KIAA0319: variants seen among roughly 807,000 people sequenced by gnomAD.
KIAA0319 encodes dyslexia-associated protein KIAA0319.
KIAA0319 carries 83 observed loss-of-function variants against 108.4 expected under a neutral mutation model. The ratio of observed to expected loss-of-function variants is 0.77; its 90% confidence interval spans 0.64 to 0.92. The LOEUF (loss-of-function observed/expected upper bound fraction) is 0.92. Ranked by LOEUF, KIAA0319 falls within the 40% of genes least tolerant of loss-of-function variation. KIAA0319 has a pLI of 0.00. For synonymous variants in KIAA0319, 484 were observed against 510.4 expected, an observed-to-expected ratio of 0.95 and a Z score of 0.70; for missense variants, 1,195 against 1,322.4, an observed-to-expected ratio of 0.90 and a Z score of 1.49.
chr6:24,598,835 C>T (rs191724934), intron 2 of KIAA0319: 4 of 284,548 alleles, frequency 1.4e-5, no homozygotes, highest in Admixed American at 8.4e-5. Flanking sequence ...GAGATCATGC[C>T]CCTGCACTCC....
chr6:24,633,232 T>C (rs535931692), intron 1 of KIAA0319, among the ~76,000 whole-genome samples: 8 of 152,226 alleles, frequency 5.3e-5, no homozygotes, highest in South Asian at 2.1e-4. Flanking sequence ...CAGACAAATA[T>C]ACAGGTAGAA....
intron 1 of KIAA0319, among the ~76,000 whole-genome samples, chr6:24,630,692 T>TATATAC (rs1775453133): frequency 1.4e-5 from 1 of 71,470 alleles, no homozygotes; most frequent in Non-Finnish European, 2.6e-5. Context: ...TGTATATATA[T>TATATAC]ATATATATAT....
intron 10 of KIAA0319, among the ~76,000 whole-genome samples, chr6:24,575,895 G>A (rs949547049): frequency 2.0e-5 from 3 of 151,834 alleles, no homozygotes; most frequent in African/African-American, 7.3e-5. Context: ...TTATTATGTT[G>A]TTAGACAAAT....
intron 4 of KIAA0319, among the ~76,000 whole-genome samples, chr6:24,586,385 T>C (rs776996102): frequency 3.3e-5 from 5 of 152,208 alleles, no homozygotes; most frequent in Non-Finnish European, 5.9e-5. Context: ...AAGTTACTCC[T>C]TTGTAAGGGG....
chr6:24,591,466 T>C (rs1185744335), intron 3 of KIAA0319, among the ~76,000 whole-genome samples: 1 of 152,028 alleles, frequency 6.6e-6, no homozygotes, highest in Non-Finnish European at 1.5e-5. Context: ...TAAAAAAAAT[T>C]AGCTGGGCAC....
chr6:24,644,248 G>A (rs944227727), intron 1 of KIAA0319, among the ~76,000 whole-genome samples: 3 of 14,610 alleles, frequency 2.1e-4, no homozygotes, highest in African/African-American at 1.8e-3. Flanking sequence ...CAGGGGAGAG[G>A]GGGGGGTTCC....
At chr6:24,570,102 CTTGAT>C (rs1293845400) in intron 11 of KIAA0319, 67 bp from the exon 12 acceptor site, 9 of 1,502,722 alleles carry the variant, frequency 6.0e-6, no homozygotes, top group Non-Finnish European at 8.2e-6. Context: ...CCTGTGATTT[CTTGAT>C]TTAAGTACAT....
At position 24,566,901 on chromosome 6, in the gene KIAA0319, A is replaced by G. The variant is rs899131756; in HGVS notation, c.2141-153T>C. Among the ~76,000 whole-genome samples the G allele has an allele frequency of 2.6e-5, 4 of 152,354 alleles. No individual in the cohort carries two copies. In the South Asian group the frequency reaches 8.3e-4, roughly 32 times the overall value. ...AAAAGGCATTTTTTTCCCCAGATGC[A>G]TATAAGATACAGACTTCCTTAAAGC... On this transcript the variant is annotated intron_variant, in intron 13 of 20. Coordinates refer to ENST00000378214, the MANE Select transcript of KIAA0319 (RefSeq NM_014809.4).
At chr6:24,589,823 A>G (rs1443396973) in intron 3 of KIAA0319, among the ~76,000 whole-genome samples, 1 of 152,210 alleles carries the variant, frequency 6.6e-6, no homozygotes, top group East Asian at 1.9e-4. Flanking sequence ...AATAGTAAAC[A>G]GGCTTCTAGA....
chr6:24,596,221 C>A lies in KIAA0319; in HGVS notation c.453G>T (p.Glu151Asp), dbSNP rs990442655. ...LTFLGKDWGL[E>D]EMSEYSDDYR... ...AGTCATCTGAGTACTCAGACATCTC[C>A]TCTAGGCCCCAATCTTTGCCTAGAA... Residue 151 changes from glutamate to aspartate, a missense_variant, in exon 3 of 21, where the codon GAG (glutamate) becomes GAT (aspartate). Physicochemically the swap from Glu to Asp is conservative, Grantham distance 45. Coordinates refer to ENST00000378214, the MANE Select transcript of KIAA0319 (RefSeq NM_014809.4). The A allele has an allele frequency of 6.2e-7, 1 of 1,614,080 alleles. No homozygotes were observed. Among genetic ancestry groups the A allele is most frequent in the African/African-American group, 1.3e-5 (1 of 74,938 alleles).
intron 3 of KIAA0319, among the ~76,000 whole-genome samples, chr6:24,594,311 T>C (rs1769071894): frequency 8.0e-6 from 1 of 124,566 alleles, no homozygotes; most frequent in Admixed American, 8.3e-5. Context: ...TTCAGAAAAA[T>C]ATAAGCAGAA....
chr6:24,553,957 T>C, intron 19 of KIAA0319, among the ~76,000 whole-genome samples: 1 of 152,218 alleles, frequency 6.6e-6, no homozygotes. Context: ...CTTGAGTTCT[T>C]TGAGCCACCC....
chr6:24,596,192 C>A lies in KIAA0319; in HGVS notation c.482G>T (p.Arg161Leu). Residue 161 changes from arginine to leucine, a missense_variant, in exon 3 of 21, where the codon CGG becomes CTG. Coordinates refer to ENST00000378214, the MANE Select transcript of KIAA0319 (RefSeq NM_014809.4). ...TTGCAAGAGGTCCTTCTCCAGCTCC[C>A]GGTAGTCATCTGAGTACTCAGACAT... is the stretch of plus-strand genomic sequence containing the variant. ...EEMSEYSDDY[R>L]ELEKDLLQPS... The A allele has an allele frequency of 1.9e-6, 3 of 1,614,170 alleles. No individual in the cohort carries two copies. Among genetic ancestry groups the A allele is most frequent in the Non-Finnish European group, 2.5e-6 (3 of 1,180,030 alleles).
intron 1 of KIAA0319, among the ~76,000 whole-genome samples, chr6:24,608,379 C>A (rs1017474747): frequency 6.6e-6 from 1 of 151,488 alleles, no homozygotes; most frequent in Admixed American, 6.6e-5. Flanking sequence ...ATGGTGCTGG[C>A]AGAATTTTTA....
chr6:24,562,064 G>T (rs1341470105), intron 16 of KIAA0319, among the ~76,000 whole-genome samples: 1 of 152,156 alleles, frequency 6.6e-6, no homozygotes, highest in Non-Finnish European at 1.5e-5. Context: ...TCGAACTCCT[G>T]GGTTCAAGCT....
At position 24,579,966 on chromosome 6, in the gene KIAA0319, G is replaced by C. The variant is rs536594808; in HGVS notation, c.1280-16C>G. Reference sequence around the variant, plus strand: ...ACTCTTCTGGCTGTAACAAAAAAAAGGACAGTGACTGAGCCCATCTTGTGT... The same window carrying C: ...ACTCTTCTGGCTGTAACAAAAAAAACGACAGTGACTGAGCCCATCTTGTGT... On this transcript the variant is annotated splice_polypyrimidine_tract_variant and intron_variant, in intron 7 of 20. Transcript: ENST00000378214. 6.9e-7 allele frequency: 1 copy of C among 1,447,034 alleles called. No homozygotes were observed. Among genetic ancestry groups the C allele is most frequent in the Admixed American group, 1.9e-5 (1 of 52,246 alleles). 89.6% of individuals were successfully genotyped at this position (1,447,034 alleles called of 1,614,324 possible). A position where few individuals can be genotyped will look rare whatever the true frequency, so the allele number is the denominator to read the frequency against.
At chr6:24,640,095 A>AT (rs1776728398) in intron 1 of KIAA0319, among the ~76,000 whole-genome samples, 2 of 152,170 alleles carry the variant, frequency 1.3e-5, no homozygotes, top group Non-Finnish European at 2.9e-5. Flanking sequence ...ATTGATACAT[A>AT]ATAGTTGTAT....
intron 1 of KIAA0319, among the ~76,000 whole-genome samples, chr6:24,612,124 G>A (rs1234464726): frequency 6.6e-6 from 1 of 151,642 alleles, no homozygotes; most frequent in Non-Finnish European, 1.5e-5. Flanking sequence ...AAAACAGTGA[G>A]ATGCCATTTT....
intron 1 of KIAA0319, among the ~76,000 whole-genome samples, chr6:24,632,431 A>T (rs1253035754): frequency 6.6e-6 from 1 of 152,194 alleles, no homozygotes; most frequent in African/African-American, 2.4e-5. Context: ...TTTTCTAAGT[A>T]TCAATGAGTA....
Sources: gnomAD v4.1 joint callset for allele counts (sites outside exome capture counted in the v4.1 genomes callset) on GRCh38, gnomAD v4.1.1 for gene constraint, MANE v1.5 for transcripts, NCBI Gene and HGNC (gene_info 2026-07-23, HGNC 2026-07-21) for gene names.